The following ANO4 variants were observed in gnomAD, a reference collection of about 807,000 sequenced individuals.
ANO4 encodes the protein anoctamin 4.
Under a neutral mutation model 141.9 loss-of-function variants are expected in ANO4, and 69 were observed. The observed-to-expected ratio is 0.49, with a 90% CI of 0.40 to 0.59. The LOEUF (loss-of-function observed/expected upper bound fraction) is 0.59, where lower values mean the gene tolerates loss of function less well. ANO4 is among the 20% of genes least tolerant of loss of function. The pLI, the probability that ANO4 is intolerant of heterozygous loss-of-function variation, is 0.00. For missense variants in ANO4, 894 were observed against 1,162.2 expected, an observed-to-expected ratio of 0.77 and a Z score of 3.36; for synonymous variants, 350 against 394.3, an observed-to-expected ratio of 0.89 and a Z score of 1.33.
At chr12:100,910,559 G>A (rs2041056957) in intron 2 of ANO4, among the ~76,000 whole-genome samples, 1 of 152,050 alleles carries the variant, frequency 6.6e-6, no homozygotes, top group Non-Finnish European at 1.5e-5. Context: ...AGTGGTAAAT[G>A]GTACTAGGTT....
intron 1 of ANO4, among the ~76,000 whole-genome samples, chr12:100,830,236 T>G (rs1473454216): frequency 6.6e-6 from 1 of 152,020 alleles, no homozygotes; most frequent in East Asian, 1.9e-4. Context: ...CAACACAGTT[T>G]GCTGTTAAAG....
At chr12:101,089,783 A>G (rs1025602543) in intron 17 of ANO4, among the ~76,000 whole-genome samples, 6 of 152,238 alleles carry the variant, frequency 3.9e-5, no homozygotes, top group African/African-American at 1.4e-4. Context: ...TGCACAGCAA[A>G]AGAAACTATC....
intron 3 of ANO4, among the ~76,000 whole-genome samples, chr12:100,779,063 CAAAA>C (rs1023400025): frequency 8.0e-5 from 12 of 150,236 alleles, no homozygotes; most frequent in African/African-American, 2.7e-4. Flanking sequence ...AAAAAAAAAA[CAAAA>C]AACAAAAAAA....
At chr12:100,777,754 T>C (rs1291669193) in intron 3 of ANO4, among the ~76,000 whole-genome samples, 1 of 152,140 alleles carries the variant, frequency 6.6e-6, no homozygotes, top group Non-Finnish European at 1.5e-5. Flanking sequence ...TAAAGACTAT[T>C]TTACAACCTT....
chr12:100,944,489 C>T (rs2042638252), intron 5 of ANO4, among the ~76,000 whole-genome samples: 1 of 151,580 alleles, frequency 6.6e-6, no homozygotes, highest in East Asian at 1.9e-4. Context: ...TAAGCATTTC[C>T]CCCCTCCCCA....
At chr12:100,877,970 A>G (rs1436174749) in intron 1 of ANO4, among the ~76,000 whole-genome samples, 1 of 151,722 alleles carries the variant, frequency 6.6e-6, no homozygotes, top group African/African-American at 2.4e-5. Context: ...GCAAACTTCT[A>G]TCCCTTCCCC....
intron 8 of ANO4, among the ~76,000 whole-genome samples, chr12:100,988,414 T>C (rs1159851382): frequency 6.6e-6 from 1 of 151,886 alleles, no homozygotes; most frequent in Non-Finnish European, 1.5e-5. Context: ...AGCCTCTCAG[T>C]GGAGGCAGAG....
upstream of ANO4, among the ~76,000 whole-genome samples, chr12:100,789,908 A>G (rs907884463): frequency 6.6e-6 from 1 of 152,228 alleles, no homozygotes; most frequent in Non-Finnish European, 1.5e-5. Flanking sequence ...CTAATTTAGC[A>G]CAGTGTTATC....
intron 8 of ANO4, among the ~76,000 whole-genome samples, chr12:101,001,420 G>A (rs113500630): frequency 9.2e-4 from 140 of 152,296 alleles, no homozygotes; most frequent in Non-Finnish European, 1.6e-3. Flanking sequence ...TGCACTGCAC[G>A]CCCTCCACAT....
intron 14 of ANO4, among the ~76,000 whole-genome samples, chr12:101,049,239 A>G (rs1237140401): frequency 1.3e-5 from 2 of 152,156 alleles, no homozygotes; most frequent in Non-Finnish European, 2.9e-5. Context: ...ATTTTGATGT[A>G]ACAAAATTCT....
chr12:100,824,610 A>C (rs1402950726), intron 1 of ANO4, among the ~76,000 whole-genome samples: 2 of 152,022 alleles, frequency 1.3e-5, no homozygotes, highest in Admixed American at 1.3e-4. Context: ...ACTCTGAATA[A>C]TGCCAGTTTG....
chr12:100,856,600 T>G (rs1449966420), intron 1 of ANO4, among the ~76,000 whole-genome samples: 1 of 152,116 alleles, frequency 6.6e-6, no homozygotes, highest in African/African-American at 2.4e-5. Flanking sequence ...TATTTCAGCT[T>G]GGCAAGAAGG....
intron 1 of ANO4, among the ~76,000 whole-genome samples, chr12:100,724,103 A>G (rs1593228566): frequency 6.6e-6 from 1 of 152,350 alleles, no homozygotes; most frequent in South Asian, 2.1e-4. Flanking sequence ...TACCTCCTGA[A>G]GATAATGAAA....
intron 1 of ANO4, among the ~76,000 whole-genome samples, chr12:100,727,901 T>A (rs527854834): frequency 6.6e-6 from 1 of 152,340 alleles, no homozygotes; most frequent in African/African-American, 2.4e-5. Flanking sequence ...CCTTGTACTT[T>A]TACTTCAATC....
At chr12:100,740,711 C>T (rs1195109520) in intron 3 of ANO4, among the ~76,000 whole-genome samples, 2 of 152,152 alleles carry the variant, frequency 1.3e-5, no homozygotes, top group Non-Finnish European at 2.9e-5. Context: ...TGTTTTTGTA[C>T]AGCCCGAGAA....
intron 8 of ANO4, among the ~76,000 whole-genome samples, chr12:100,993,058 G>T (rs535182429): frequency 2.5e-4 from 38 of 152,176 alleles, no homozygotes; most frequent in Middle Eastern, 3.4e-3. Flanking sequence ...GCGTGGTGGT[G>T]CATGCCTGTA....
chr12:100,855,859 T>C (rs1363975777), intron 1 of ANO4, among the ~76,000 whole-genome samples: 1 of 152,152 alleles, frequency 6.6e-6, no homozygotes, highest in African/African-American at 2.4e-5. Context: ...GCTTCAAGTT[T>C]CAAGGAATTT....
intron 2 of ANO4, among the ~76,000 whole-genome samples, chr12:100,919,700 G>GTA (rs2041522834): frequency 1.5e-5 from 2 of 132,594 alleles, no homozygotes; most frequent in African/African-American, 3.1e-5. Context: ...GTGTGTGTGT[G>GTA]TGTGTATGTA....
chr12:100,825,888 T>G (rs982168014), intron 1 of ANO4, among the ~76,000 whole-genome samples: 1 of 152,120 alleles, frequency 6.6e-6, no homozygotes, highest in African/African-American at 2.4e-5. Flanking sequence ...AGTGTTATTA[T>G]GTATAATATG....
Sources: gnomAD v4.1 joint callset for allele counts (sites outside exome capture counted in the v4.1 genomes callset) on GRCh38, gnomAD v4.1.1 for gene constraint, MANE v1.5 for transcripts, NCBI Gene and HGNC (gene_info 2026-07-23, HGNC 2026-07-21) for gene names.